CALN1: variants seen among roughly 807,000 people sequenced by gnomAD.
CALN1 encodes calneuron 1, also known as calcium-binding protein 8.
A neutral mutation model predicts 30.6 loss-of-function variants in CALN1; 17 were observed. That is an observed-to-expected ratio of 0.56 (90% confidence interval 0.38 to 0.83). The LOEUF is 0.83. CALN1 is among the 40% of genes least tolerant of loss of function. CALN1 has a pLI of 0.00. For missense variants in CALN1, 291 were observed against 354.9 expected (o/e 0.82, Z 1.45); for synonymous variants, 156 against 131.4 (o/e 1.19, Z -1.28).
chr7:72,064,500 G>T (rs1803885396), intron 4 of CALN1, among the ~76,000 whole-genome samples: 1 of 152,108 alleles, frequency 6.6e-6, no homozygotes, highest in Non-Finnish European at 1.5e-5. Context: ...TTGGGTAACT[G>T]ATCCAGTTAG....
chr7:72,431,260 C>G (rs1365420243), intron 1 of CALN1, among the ~76,000 whole-genome samples: 1 of 152,066 alleles, frequency 6.6e-6, no homozygotes. Flanking sequence ...ACTAATAAAG[C>G]TATTATTAGT....
At chr7:71,879,743 G>A (rs1488333985) in intron 5 of CALN1, among the ~76,000 whole-genome samples, 1 of 152,124 alleles carries the variant, frequency 6.6e-6, no homozygotes, top group Non-Finnish European at 1.5e-5. Context: ...TGCAAAGAAG[G>A]ACCAAAAGGA....
At chr7:71,936,549 T>C (rs955823334) in intron 5 of CALN1, among the ~76,000 whole-genome samples, 31 of 152,146 alleles carry the variant, frequency 2.0e-4, no homozygotes, top group Admixed American at 2.0e-4. Context: ...CACTGAGCTC[T>C]AGGGCGTGAA....
intron 5 of CALN1, among the ~76,000 whole-genome samples, chr7:71,831,683 C>T (rs139741604): frequency 4.0e-5 from 6 of 151,026 alleles, no homozygotes; most frequent in East Asian, 2.0e-4. Context: ...CTCAGGAGTT[C>T]GAGACCAGTC....
intron 3 of CALN1, among the ~76,000 whole-genome samples, chr7:72,152,634 C>A (rs1787338291): frequency 6.6e-6 from 1 of 152,144 alleles, no homozygotes; most frequent in African/African-American, 2.4e-5. Context: ...TGAGATGTTT[C>A]CCGGCCAAAG....
chr7:72,029,583 C>T (rs1801306800), intron 4 of CALN1, among the ~76,000 whole-genome samples: 1 of 152,170 alleles, frequency 6.6e-6, no homozygotes, highest in African/African-American at 2.4e-5. Flanking sequence ...ATTTCAGTGC[C>T]ATCTCCCCAA....
chr7:72,500,958 A>T, the CALN1 span, among the ~76,000 whole-genome samples: 2 of 152,160 alleles, frequency 1.3e-5, no homozygotes, highest in African/African-American at 4.8e-5. Context: ...GATTTATCAT[A>T]ATAAGGAATT....
At chr7:72,356,247 A>C (rs1161287366) in intron 2 of CALN1, among the ~76,000 whole-genome samples, 1 of 152,154 alleles carries the variant, frequency 6.6e-6, no homozygotes, top group Non-Finnish European at 1.5e-5. Flanking sequence ...ATGAAAGGGT[A>C]AGGAGCACTG....
Position 72,138,452 on chromosome 7 carries a change from C to T in CALN1, c.245-32158G>A, listed in dbSNP as rs370520222. Among the ~76,000 whole-genome samples, 3 of 152,316 alleles carry T rather than the reference C, an allele frequency of 2.0e-5. No individual in the cohort carries two copies. In the East Asian group the frequency reaches 5.8e-4, roughly 29 times the overall value. ...CCATCTGAAGCCTCAGAGTAGAAAT[C>T]TTGTTTCACAAAATTCAAAGCTTCT... On this transcript the variant is annotated intron_variant, in intron 3 of 6. Transcript: ENST00000395275.
chr7:72,405,701 C>T (rs2129562371), intron 1 of CALN1, among the ~76,000 whole-genome samples: 1 of 150,628 alleles, frequency 6.6e-6, no homozygotes, highest in South Asian at 2.1e-4. Context: ...GCAAGTGTGT[C>T]ATTACAGTAG....
chr7:72,422,036 G>A (rs529701746), intron 1 of CALN1, among the ~76,000 whole-genome samples: 29 of 152,190 alleles, frequency 1.9e-4, no homozygotes, highest in East Asian at 5.8e-4. Flanking sequence ...GGATCGACCC[G>A]CACTTAGGCT....
chr7:71,786,924 T>C lies in CALN1; in HGVS notation c.*851A>G, dbSNP rs897141402. The C allele has an allele frequency of 6.6e-6, 1 of 152,600 alleles. No individual in the cohort carries two copies. Among genetic ancestry groups the C allele is most frequent in the African/African-American group, 2.4e-5 (1 of 41,440 alleles). 9.5% of individuals were successfully genotyped at this position (152,600 alleles called of 1,614,324 possible). ...CAAGCTTATATTAGGTGTAAGCGAT[T>C]AGGGAAGAATGACATCACACACGAA... is the stretch of plus-strand genomic sequence containing the variant. On this transcript the variant is annotated 3_prime_UTR_variant, in exon 7 of 7. Transcript: ENST00000395275.
At chr7:72,015,769 G>C (rs1800343648) in intron 5 of CALN1, among the ~76,000 whole-genome samples, 3 of 152,004 alleles carry the variant, frequency 2.0e-5, no homozygotes, top group Admixed American at 1.3e-4. Flanking sequence ...ACAAGTTCCA[G>C]GTATTACTAA....
chr7:72,337,092 G>A, intron 2 of CALN1: 2 of 985,770 alleles, frequency 2.0e-6, no homozygotes, highest in Non-Finnish European at 2.4e-6. Flanking sequence ...CAGCCCATGT[G>A]CGCGGCTGCC....
At chr7:72,317,801 C>T (rs986213092) in intron 2 of CALN1, among the ~76,000 whole-genome samples, 1 of 152,094 alleles carries the variant, frequency 6.6e-6, no homozygotes, top group African/African-American at 2.4e-5. Flanking sequence ...AGCATGACAC[C>T]GGCCCCAGAA....
At chr7:72,330,399 C>T (rs1052996036) in intron 2 of CALN1, among the ~76,000 whole-genome samples, 1 of 145,166 alleles carries the variant, frequency 6.9e-6, no homozygotes, top group African/African-American at 2.6e-5. Flanking sequence ...ATCCAGTAAG[C>T]AGAGGCTGCA....
chr7:72,070,074 C>A (rs925234639), intron 4 of CALN1, among the ~76,000 whole-genome samples: 4 of 152,164 alleles, frequency 2.6e-5, no homozygotes, highest in African/African-American at 9.7e-5. Flanking sequence ...TTGATCCATC[C>A]TATTCTCTAT....
At chr7:72,219,356 G>C (rs1793092907) in intron 3 of CALN1, among the ~76,000 whole-genome samples, 1 of 152,124 alleles carries the variant, frequency 6.6e-6, no homozygotes. Flanking sequence ...CTAATGAGCA[G>C]CTAGGACTAC....
At chr7:72,328,420 C>T (rs1284771108) in intron 2 of CALN1, among the ~76,000 whole-genome samples, 1 of 152,210 alleles carries the variant, frequency 6.6e-6, no homozygotes, top group Non-Finnish European at 1.5e-5. Flanking sequence ...TCCTCTTGCT[C>T]TTCCTTCATC....
Sources: allele counts gnomAD v4.1 joint callset (sites outside exome capture counted in the v4.1 genomes callset), GRCh38; gene constraint gnomAD v4.1.1; transcripts MANE v1.5; gene names NCBI Gene and HGNC (gene_info 2026-07-23, HGNC 2026-07-21).